PPP2R1B: variants seen among roughly 807,000 people sequenced by gnomAD.
The protein encoded by PPP2R1B is serine/threonine-protein phosphatase 2A 65 kDa regulatory subunit A beta isoform.
A neutral mutation model predicts 72.7 loss-of-function variants in PPP2R1B; 58 were observed. The observed-to-expected ratio is 0.80, with a 90% CI of 0.65 to 0.99. PPP2R1B has a LOEUF of 0.99. PPP2R1B is among the 50% of genes least tolerant of loss of function. PPP2R1B has a pLI of 0.00. For missense variants in PPP2R1B, 695 were observed against 733.6 expected (o/e 0.95, Z 0.61); for synonymous variants, 256 against 264.6 (o/e 0.97, Z 0.32).
rs1454764608 is a variant in PPP2R1B at position 111,739,558 on chromosome 11, TCAAA to T, written c.*2034_*2037del. 1.0e-6 allele frequency: 1 copy of T among 985,294 alleles called. No homozygotes were observed. The highest frequency in any genetic ancestry group is 1.1e-4 in the East Asian group (1 of 8,822). 61.0% of individuals were successfully genotyped at this position (985,294 alleles called of 1,614,324 possible). A position where few individuals can be genotyped will look rare whatever the true frequency, so the allele number is the denominator to read the frequency against. The stretch of plus-strand genomic sequence containing the variant: ...AAAGCCAGGGCCCACTCTCCCTCTC[TCAAA>T]CAGTTTTAGGGTAGAGAAGTCAATG... On this transcript the variant is annotated 3_prime_UTR_variant, in exon 15 of 15. Transcript: ENST00000527614.
At chr11:111,734,182 TCTTA>T (rs1944276076), downstream of PPP2R1B, among the ~76,000 whole-genome samples, 10 of 152,306 alleles carry the variant, frequency 6.6e-5, no homozygotes, top group South Asian at 2.1e-3. Flanking sequence ...ACTCTGCCTA[TCTTA>T]CTTTAACTCT....
chr11:111,738,129 G>T lies in PPP2R1B; in HGVS notation c.*3467C>A, dbSNP rs116981180. On this transcript the variant is annotated 3_prime_UTR_variant, in exon 15 of 15. Coordinates refer to ENST00000527614, the MANE Select transcript of PPP2R1B (RefSeq NM_002716.5). ...AGAGTAAGGAACTGGATGGAAACAG[G>T]AATACTGGAGAATCAAAGGGAAACA... is the stretch of plus-strand genomic sequence containing the variant. The T allele has an allele frequency of 8.7e-3, 8,592 of 987,580 alleles. 45 individuals carry two copies. The highest frequency in any genetic ancestry group is 0.025 in the Middle Eastern group (48 of 1,922). 61.2% of individuals were successfully genotyped at this position (987,580 alleles called of 1,614,324 possible).
At chr11:111,745,299 G>A (rs1015657468) in intron 11 of PPP2R1B, among the ~76,000 whole-genome samples, 4 of 152,016 alleles carry the variant, frequency 2.6e-5, no homozygotes, top group Non-Finnish European at 5.9e-5. Context: ...TCATCCACCC[G>A]CCTCAGCCTC....
chr11:111,748,368 T>G (rs1290566097), intron 10 of PPP2R1B, among the ~76,000 whole-genome samples: 1 of 152,258 alleles, frequency 6.6e-6, no homozygotes, highest in Non-Finnish European at 1.5e-5. Flanking sequence ...AAAACACCTG[T>G]CAGTAATATT....
At chr11:111,691,395 C>T in the PPP2R1B span, among the ~76,000 whole-genome samples, 2 of 152,018 alleles carry the variant, frequency 1.3e-5, no homozygotes, top group Non-Finnish European at 1.5e-5. Context: ...TCTTGGGAGC[C>T]GCTTAGCTAT....
chr11:111,696,253 T>C, the PPP2R1B span, among the ~76,000 whole-genome samples: 1 of 152,194 alleles, frequency 6.6e-6, no homozygotes, highest in Non-Finnish European at 1.5e-5. Context: ...AAAAGGAACA[T>C]GTGACAAAAC....
chr11:111,701,878 C>T, the PPP2R1B span, among the ~76,000 whole-genome samples: 1 of 152,132 alleles, frequency 6.6e-6, no homozygotes, highest in Non-Finnish European at 1.5e-5. This position sits in a 1 kb window ranked among gnomAD's most constrained non-coding sequence, Gnocchi z 4.2. Flanking sequence ...GATACAGATT[C>T]ACAACCATTT....
intron 5 of PPP2R1B, among the ~76,000 whole-genome samples, chr11:111,755,792 G>A (rs1197564367): frequency 5.9e-5 from 9 of 151,914 alleles, no homozygotes; most frequent in Non-Finnish European, 1.3e-4. Context: ...GTTTCACCAC[G>A]TTGGCCAGCC....
chr11:111,753,631 T>C, intron 8 of PPP2R1B, 54 bp from the exon 9 acceptor site: 17 of 1,532,274 alleles, frequency 1.1e-5, no homozygotes, highest in Non-Finnish European at 1.5e-5. Flanking sequence ...GAAACTTCCA[T>C]ACCATTATTC....
At chr11:111,741,650 A>C (rs750605974) in intron 14 of PPP2R1B, 38 bp from the exon 15 acceptor site, 1 of 1,600,424 alleles carries the variant, frequency 6.2e-7, no homozygotes, top group East Asian at 2.2e-5. Flanking sequence ...AGTGGTACAG[A>C]AAGTTCACGA....
chr11:111,740,969 A>C lies in PPP2R1B; in HGVS notation c.*627T>G. ...TAGCAGCAAGATGCAGCCACACTTC[A>C]GGTTTCTGAATGACATGAGTACAGA... is the stretch of plus-strand genomic sequence containing the variant. On this transcript the variant is annotated 3_prime_UTR_variant, in exon 15 of 15. Transcript: ENST00000527614. 1.0e-6 allele frequency: 1 copy of C among 985,542 alleles called. No individual in the cohort carries two copies. Among genetic ancestry groups the C allele is most frequent in the Non-Finnish European group, 1.2e-6 (1 of 829,998 alleles). The allele number at this position is 985,542 out of a possible 1,614,324, so 61.0% of individuals were successfully genotyped here. A position where few individuals can be genotyped will look rare whatever the true frequency, so the allele number is the denominator to read the frequency against.
the PPP2R1B span, among the ~76,000 whole-genome samples, chr11:111,693,395 A>G: frequency 5.9e-5 from 9 of 152,186 alleles, no homozygotes; most frequent in Admixed American, 4.6e-4. Flanking sequence ...GTGTGTACTC[A>G]TTGCCTCAAC....
At chr11:111,751,364 C>A (rs1372385591) in intron 10 of PPP2R1B, among the ~76,000 whole-genome samples, 2 of 151,954 alleles carry the variant, frequency 1.3e-5, no homozygotes, top group African/African-American at 2.4e-5. Flanking sequence ...ATTATATATA[C>A]CAAGAAACTG....
chr11:111,727,111 T>A lies in PPP2R1B; in HGVS notation c.1912-54A>T, dbSNP rs1355412010. ...CAGGAAGAGGGGGCCCACTTTCACATTCCCGGTGACACTGACCGTCCCCAG... is the reference window on the plus strand; with the variant it reads ...CAGGAAGAGGGGGCCCACTTTCACAATCCCGGTGACACTGACCGTCCCCAG... On this transcript the variant is annotated intron_variant, in intron 15 of 15. Transcript: ENST00000311129. The A allele has an allele frequency of 4.0e-6, 6 of 1,481,952 alleles. No homozygotes were observed. In the Admixed American group the frequency reaches 1.0e-4, roughly 25 times the overall value. The allele number at this position is 1,481,952 out of a possible 1,614,324, so 91.8% of individuals were successfully genotyped here.
chr11:111,731,093 A>C (rs1326481071), intron 15 of PPP2R1B, among the ~76,000 whole-genome samples: 2 of 152,264 alleles, frequency 1.3e-5, no homozygotes, highest in Non-Finnish European at 2.9e-5. Flanking sequence ...AAGCACTGCT[A>C]ACCGCAGCCT....
chr11:111,715,946 C>T, the PPP2R1B span, among the ~76,000 whole-genome samples: 4 of 151,804 alleles, frequency 2.6e-5, no homozygotes, highest in East Asian at 5.8e-4. Context: ...GGAGTACAGG[C>T]GCCTGCCACC....
rs377516814 is a variant in PPP2R1B, at chr11:111,759,944, G to A, written c.547C>T (p.Arg183Cys). 25 of 1,613,382 alleles carry A rather than the reference G, an allele frequency of 1.5e-5. No individual in the cohort carries two copies. The highest frequency in any genetic ancestry group is 6.7e-5 in the Admixed American group (4 of 59,930). Reference sequence around the variant, plus strand: ...GGTGTGTCATCTGAGCACAAGGAACGGAATTGCCTGCAACATAAAACAATG... The same window carrying A: ...GGTGTGTCATCTGAGCACAAGGAACAGAATTGCCTGCAACATAAAACAATG... Reference protein sequence around the residue: ...AVKAEIRQQFRSLCSDDTPMV... With the variant: ...AVKAEIRQQFCSLCSDDTPMV... The change falls in exon 5 of 15, where the codon CGT becomes TGT. Residue 183 changes from arginine to cysteine, a missense_variant. By Grantham distance (180) the Arg-to-Cys change is radical (BLOSUM62 -3). Transcript: ENST00000527614.
the PPP2R1B span, among the ~76,000 whole-genome samples, chr11:111,692,649 A>T: frequency 6.6e-6 from 1 of 152,146 alleles, no homozygotes; most frequent in African/African-American, 2.4e-5. Flanking sequence ...TTTATCTGTA[A>T]ATTTTATAAC....
chr11:111,707,184 TG>T, the PPP2R1B span, among the ~76,000 whole-genome samples: 5 of 152,176 alleles, frequency 3.3e-5, no homozygotes, highest in African/African-American at 1.2e-4. Context: ...GATAGGAAGC[TG>T]GAAAGCCCCC....
Sources: allele counts gnomAD v4.1 joint callset (sites outside exome capture counted in the v4.1 genomes callset), GRCh38; gene constraint gnomAD v4.1.1; non-coding constraint Gnocchi (gnomAD v3.1); transcripts MANE v1.5; gene names NCBI Gene and HGNC (gene_info 2026-07-23, HGNC 2026-07-21).